GULP1: variants seen among roughly 807,000 people sequenced by gnomAD.
The protein encoded by GULP1 is PTB domain-containing engulfment adapter protein 1.
A neutral mutation model predicts 40.9 loss-of-function variants in GULP1; 19 were observed. The ratio of observed to expected loss-of-function variants is 0.46; its 90% CI spans 0.32 to 0.68. The LOEUF is 0.68. Ranked by LOEUF, GULP1 falls within the 30% of genes least tolerant of loss-of-function variation. The pLI is 0.03. For synonymous variants in GULP1, 119 were observed against 117.6 expected, an observed-to-expected ratio of 1.01 and a Z score of -0.08; for missense variants, 312 against 362.2, an observed-to-expected ratio of 0.86 and a Z score of 1.12.
At chr2:188,452,641 G>A (rs533935242) in intron 2 of GULP1, among the ~76,000 whole-genome samples, 22 of 152,200 alleles carry the variant, frequency 1.4e-4, no homozygotes, top group African/African-American at 5.1e-4. Flanking sequence ...CCCTTGCCCT[G>A]CCTCAACTGC....
chr2:188,487,475 A>G (rs557222061), intron 4 of GULP1, among the ~76,000 whole-genome samples: 27 of 152,122 alleles, frequency 1.8e-4, no homozygotes, highest in African/African-American at 6.3e-4. Flanking sequence ...TAAAACAAAT[A>G]GTAACACGGA....
At chr2:188,317,844 T>C (rs2039353495) in intron 1 of GULP1, among the ~76,000 whole-genome samples, 1 of 152,000 alleles carries the variant, frequency 6.6e-6, no homozygotes, top group Non-Finnish European at 1.5e-5. Context: ...AAGATGATAT[T>C]AGATGGAATG....
At chr2:188,484,412 T>C (rs2153066976) in intron 4 of GULP1, among the ~76,000 whole-genome samples, 1 of 152,236 alleles carries the variant, frequency 6.6e-6, no homozygotes, top group South Asian at 2.1e-4. Context: ...ATCACCAAAC[T>C]TGTAATAGTT....
chr2:188,465,791 T>A (rs2060061018), intron 2 of GULP1, among the ~76,000 whole-genome samples: 1 of 152,058 alleles, frequency 6.6e-6, no homozygotes, highest in Admixed American at 6.5e-5. Flanking sequence ...ACAGCAATGC[T>A]CTCAGAAACA....
chr2:188,509,150 A>G (rs1017572551), intron 4 of GULP1, among the ~76,000 whole-genome samples: 1 of 152,106 alleles, frequency 6.6e-6, no homozygotes, highest in African/African-American at 2.4e-5. Flanking sequence ...GTAGGTCTTC[A>G]GTAAACAGCT....
At position 188,569,430 on chromosome 2, in the gene GULP1, T is replaced by G. The variant is rs1001183839; in HGVS notation, c.516+75T>G. 1.5e-5 allele frequency: 12 copies of G among 809,658 alleles called. No individual in the cohort carries two copies. The Admixed American group carries it at 2.1e-4, about 14-fold the overall frequency. 50.2% of individuals were successfully genotyped at this position (809,658 alleles called of 1,614,324 possible). Reference sequence around the variant, plus strand: ...GAAACTTGCATATCGTCAAACAAATTTAGAAGCCCTGCCATTAAATTTCAC... The same window carrying G: ...GAAACTTGCATATCGTCAAACAAATGTAGAAGCCCTGCCATTAAATTTCAC... On this transcript the variant is annotated intron_variant, in intron 8 of 11. Coordinates refer to ENST00000409830, the MANE Select transcript of GULP1 (RefSeq NM_016315.4).
chr2:188,314,193 T>C (rs2038685617), intron 1 of GULP1, among the ~76,000 whole-genome samples: 1 of 151,396 alleles, frequency 6.6e-6, no homozygotes, highest in South Asian at 2.1e-4. Context: ...AGTTACTTAA[T>C]CTGTCTATAT....
chr2:188,466,920 C>CT (rs2060175586), intron 2 of GULP1, among the ~76,000 whole-genome samples: 1 of 152,080 alleles, frequency 6.6e-6, no homozygotes, highest in Non-Finnish European at 1.5e-5. Context: ...TCAAACTTTG[C>CT]TTTCCCCAAG....
At chr2:188,321,667 C>G (rs1559108860) in intron 1 of GULP1, among the ~76,000 whole-genome samples, 1 of 149,054 alleles carries the variant, frequency 6.7e-6, no homozygotes, top group African/African-American at 2.5e-5. Context: ...TCTTCTATAT[C>G]TTTTTTTTTT....
intron 1 of GULP1, among the ~76,000 whole-genome samples, chr2:188,324,573 A>G (rs2040471608): frequency 1.3e-5 from 2 of 152,066 alleles, no homozygotes; most frequent in Non-Finnish European, 2.9e-5. Context: ...AAGTATTTAA[A>G]CAATTTAAAT....
At chr2:188,433,821 C>T (rs1379213300) in intron 2 of GULP1, among the ~76,000 whole-genome samples, 1 of 152,000 alleles carries the variant, frequency 6.6e-6, no homozygotes, top group Non-Finnish European at 1.5e-5. Context: ...ACATGTTCTC[C>T]TTGATTTAAT....
intron 2 of GULP1, among the ~76,000 whole-genome samples, 179 bp downstream of exon 2, chr2:188,384,068 A>G (rs1444887679): frequency 6.6e-6 from 1 of 152,148 alleles, no homozygotes; most frequent in African/African-American, 2.4e-5. Flanking sequence ...TCTGAAAATA[A>G]CTTCTGTCAT....
chr2:188,516,967 A>G (rs1257580221), intron 4 of GULP1, among the ~76,000 whole-genome samples: 3 of 152,196 alleles, frequency 2.0e-5, no homozygotes, highest in Non-Finnish European at 4.4e-5. Flanking sequence ...TATGACACAG[A>G]AAGCAGACAC....
At chr2:188,421,846 G>A (rs1247945606) in intron 2 of GULP1, among the ~76,000 whole-genome samples, 5 of 152,070 alleles carry the variant, frequency 3.3e-5, no homozygotes, top group Non-Finnish European at 7.4e-5. Context: ...TGGAAAATCC[G>A]ATCTGTAATT....
intron 1 of GULP1, among the ~76,000 whole-genome samples, chr2:188,345,368 C>G (rs1046843659): frequency 2.1e-4 from 32 of 152,276 alleles, no homozygotes; most frequent in African/African-American, 7.5e-4. Context: ...TTCACTACAC[C>G]TTAGGTACCC....
intron 1 of GULP1, among the ~76,000 whole-genome samples, chr2:188,331,281 C>A: frequency 6.6e-6 from 1 of 152,294 alleles, no homozygotes; most frequent in Admixed American, 6.5e-5. Context: ...GACTAGTTAT[C>A]CAAAATCTAT....
intron 2 of GULP1, among the ~76,000 whole-genome samples, chr2:188,401,062 C>A (rs780676565): frequency 3.3e-5 from 5 of 151,464 alleles, no homozygotes; most frequent in Non-Finnish European, 7.4e-5. Context: ...GTTCAATAGC[C>A]AGTTGTCTAG....
intron 4 of GULP1, among the ~76,000 whole-genome samples, chr2:188,501,219 G>A (rs1207571739): frequency 6.6e-6 from 1 of 151,818 alleles, no homozygotes; most frequent in African/African-American, 2.4e-5. Context: ...ATTGGATCAT[G>A]GGGGCAGTTT....
intron 9 of GULP1, among the ~76,000 whole-genome samples, chr2:188,573,844 T>C (rs1699629985): frequency 2.0e-5 from 3 of 152,218 alleles, no homozygotes; most frequent in Non-Finnish European, 4.4e-5. Context: ...TAGCATCTGA[T>C]GAGTTTTTAG....
Sources: gnomAD v4.1 joint callset for allele counts (sites outside exome capture counted in the v4.1 genomes callset) on GRCh38, gnomAD v4.1.1 for gene constraint, MANE v1.5 for transcripts, NCBI Gene and HGNC (gene_info 2026-07-23, HGNC 2026-07-21) for gene names.